NRXN3: variants seen among roughly 807,000 people sequenced by gnomAD.
NRXN3 encodes neurexin 3, also known as neurexin III.
NRXN3 carries 32 observed loss-of-function variants against 137.6 expected under a neutral mutation model. The ratio of observed to expected loss-of-function variants is 0.23; its 90% CI spans 0.18 to 0.31. NRXN3 has a LOEUF of 0.31. Among genes scored for constraint, NRXN3 ranks in the 10% least tolerant of loss-of-function variants. NRXN3 has a pLI of 1.00. For synonymous variants in NRXN3, 798 were observed against 784.5 expected (o/e 1.02, Z -0.29); for missense variants, 1,574 against 2,062.5 (o/e 0.76, Z 4.59).
intron 4 of NRXN3, among the ~76,000 whole-genome samples, chr14:78,398,577 T>C (rs901716751): frequency 1.3e-5 from 2 of 152,128 alleles, no homozygotes; most frequent in Non-Finnish European, 2.9e-5. Flanking sequence ...GAGGCCTCCA[T>C]TGATACCTCC....
intron 4 of NRXN3, among the ~76,000 whole-genome samples, chr14:78,605,766 G>A (rs1229488593): frequency 2.0e-5 from 3 of 152,118 alleles, no homozygotes; most frequent in African/African-American, 7.2e-5. Context: ...GTTAAATGGT[G>A]TAGTAGTAAA....
At chr14:78,421,066 C>T (rs1005225924) in intron 4 of NRXN3, among the ~76,000 whole-genome samples, 4 of 151,984 alleles carry the variant, frequency 2.6e-5, no homozygotes, top group Non-Finnish European at 5.9e-5. Flanking sequence ...GGATCAAGAC[C>T]ATCCTGGCCA....
intron 19 of NRXN3, among the ~76,000 whole-genome samples, chr14:79,702,021 G>T (rs1325357246): frequency 6.6e-6 from 1 of 151,982 alleles, no homozygotes; most frequent in African/African-American, 2.4e-5. Context: ...AGAAAATGGG[G>T]CTGTGACTAC....
chr14:78,437,634 G>A (rs1313426368), intron 4 of NRXN3, among the ~76,000 whole-genome samples: 1 of 152,128 alleles, frequency 6.6e-6, no homozygotes, highest in African/African-American at 2.4e-5. Flanking sequence ...CAGGTGTGAT[G>A]AGCCCAGCCC....
intron 16 of NRXN3, among the ~76,000 whole-genome samples, chr14:79,542,207 T>C (rs914870741): frequency 3.3e-5 from 5 of 152,214 alleles, no homozygotes; most frequent in African/African-American, 9.6e-5. Flanking sequence ...TCATGTGCAA[T>C]AGAAGAATAA....
chr14:78,452,778 A>G (rs1304877330), intron 4 of NRXN3, among the ~76,000 whole-genome samples: 1 of 152,200 alleles, frequency 6.6e-6, no homozygotes, highest in Admixed American at 6.5e-5. Flanking sequence ...TTATTAATCA[A>G]TGGCATCAGA....
intron 15 of NRXN3, among the ~76,000 whole-genome samples, chr14:79,145,531 G>A (rs2059227116): frequency 6.6e-6 from 1 of 152,050 alleles, no homozygotes. Flanking sequence ...CCGTTGTAGA[G>A]CCTACACAGA....
intron 4 of NRXN3, among the ~76,000 whole-genome samples, chr14:78,352,946 A>G (rs959337930): frequency 1.1e-4 from 16 of 152,150 alleles, no homozygotes; most frequent in African/African-American, 3.9e-4. Context: ...GTGATCCAAG[A>G]GCTTCAGCCA....
At chr14:79,602,276 C>G in intron 16 of NRXN3, among the ~76,000 whole-genome samples, 1 of 152,188 alleles carries the variant, frequency 6.6e-6, no homozygotes, top group East Asian at 1.9e-4. Context: ...CCATAATGAG[C>G]TGTCTCCTAA....
At chr14:78,299,409 C>A (rs914516304) in intron 4 of NRXN3, among the ~76,000 whole-genome samples, 1 of 152,156 alleles carries the variant, frequency 6.6e-6, no homozygotes, top group Admixed American at 6.5e-5. Flanking sequence ...GATGGCTCAC[C>A]TTTGGTGACA....
intron 15 of NRXN3, among the ~76,000 whole-genome samples, chr14:79,075,349 G>A (rs1464372119): frequency 1.3e-5 from 2 of 152,140 alleles, no homozygotes; most frequent in African/African-American, 2.4e-5. Flanking sequence ...ACACATTATT[G>A]CATTTTAGAG....
chr14:79,534,635 A>G (rs1356355582), intron 16 of NRXN3, among the ~76,000 whole-genome samples: 2 of 152,148 alleles, frequency 1.3e-5, no homozygotes, highest in East Asian at 1.9e-4. Context: ...GCCCCAAACC[A>G]ATCAAAAACA....
At chr14:79,826,387 A>G (rs2099301423) in intron 20 of NRXN3, among the ~76,000 whole-genome samples, 1 of 152,266 alleles carries the variant, frequency 6.6e-6, no homozygotes, top group South Asian at 2.1e-4. Flanking sequence ...GTCCTTACTC[A>G]GGTTCACCAG....
chr14:78,766,034 C>T (rs1237455615), intron 8 of NRXN3, among the ~76,000 whole-genome samples: 2 of 152,118 alleles, frequency 1.3e-5, no homozygotes, highest in African/African-American at 4.8e-5. Flanking sequence ...AGCACCTAGC[C>T]CATCAAGCAG....
intron 4 of NRXN3, among the ~76,000 whole-genome samples, chr14:78,485,070 C>T (rs936579294): frequency 6.6e-6 from 1 of 152,174 alleles, no homozygotes; most frequent in African/African-American, 2.4e-5. Context: ...AAAGCTCCCC[C>T]ACTGCAGAGT....
chr14:78,726,710 AT>A (rs1383523281), intron 8 of NRXN3, among the ~76,000 whole-genome samples: 1 of 151,146 alleles, frequency 6.6e-6, no homozygotes, highest in Non-Finnish European at 1.5e-5. Flanking sequence ...GTAGACATGG[AT>A]TTTCACCATG....
intron 4 of NRXN3, among the ~76,000 whole-genome samples, chr14:78,389,724 G>T (rs148767652): frequency 6.0e-4 from 92 of 152,104 alleles, no homozygotes; most frequent in African/African-American, 1.9e-3. Flanking sequence ...TGTTCTTTGA[G>T]GGGCAGAAAT....
intron 10 of NRXN3, among the ~76,000 whole-genome samples, chr14:78,909,536 A>G (rs1182277619): frequency 1.3e-5 from 2 of 152,172 alleles, no homozygotes; most frequent in Non-Finnish European, 2.9e-5. Flanking sequence ...AAGGGCAATT[A>G]TGTGAGAGTT....
chr14:78,738,816 T>A (rs2098552111), intron 8 of NRXN3, among the ~76,000 whole-genome samples: 1 of 152,012 alleles, frequency 6.6e-6, no homozygotes, highest in Admixed American at 6.6e-5. Context: ...CAAACAGGAA[T>A]TAGATCAGGG....
Sources: allele counts gnomAD v4.1 joint callset (sites outside exome capture counted in the v4.1 genomes callset), GRCh38; gene constraint gnomAD v4.1.1; transcripts MANE v1.5; gene names NCBI Gene and HGNC (gene_info 2026-07-23, HGNC 2026-07-21).